The following SMARCC1 variants were observed in gnomAD, a reference collection of about 807,000 sequenced individuals.
SMARCC1 encodes the protein SWI/SNF related BAF chromatin remodeling complex subunit C1.
SMARCC1 carries 43 observed loss-of-function variants against 147.4 expected under a neutral mutation model. That is an observed-to-expected ratio of 0.29 (90% confidence interval 0.23 to 0.38). The LOEUF is 0.38. Ranked by LOEUF, SMARCC1 falls within the 10% of genes least tolerant of loss-of-function variation. SMARCC1 has a pLI of 1.00. For missense variants in SMARCC1, 1,119 were observed against 1,381.1 expected (o/e 0.81, Z 3.01); for synonymous variants, 495 against 484.4 (o/e 1.02, Z -0.29).
At chr3:47,679,385 A>C (rs1426750535) in intron 15 of SMARCC1, among the ~76,000 whole-genome samples, 2 of 152,190 alleles carry the variant, frequency 1.3e-5, no homozygotes, top group African/African-American at 4.8e-5. Context: ...CCTTCCAATA[A>C]GAGTTTTTCT....
intron 2 of SMARCC1, among the ~76,000 whole-genome samples, chr3:47,763,139 C>T (rs528549221): frequency 6.6e-6 from 1 of 151,714 alleles, no homozygotes; most frequent in Non-Finnish European, 1.5e-5. Flanking sequence ...CAATGCATCT[C>T]CTTCTTCAAC....
chr3:47,701,799 G>A (rs562305586), intron 10 of SMARCC1: 2 of 154,482 alleles, frequency 1.3e-5, no homozygotes, highest in African/African-American at 4.8e-5. Flanking sequence ...GGGTGACAGA[G>A]AGAGACTCCA....
intron 26 of SMARCC1, among the ~76,000 whole-genome samples, chr3:47,594,907 A>G (rs2032245905): frequency 6.6e-6 from 1 of 152,142 alleles, no homozygotes; most frequent in Admixed American, 6.5e-5. Flanking sequence ...CCTTGATAAG[A>G]TCTGCATACC....
At position 47,674,701 on chromosome 3, in the gene SMARCC1, A is replaced by G. The variant is rs1031271139; in HGVS notation, c.1839+774T>C. Among the ~76,000 whole-genome samples, 10 of 152,140 alleles carry G rather than the reference A, an allele frequency of 6.6e-5. No individual in the cohort carries two copies. In the East Asian group the frequency reaches 1.7e-3, roughly 26 times the overall value. Reference sequence around the variant, plus strand: ...GCTGCTCTTGAACTCCTGGCCTCAGACAACCCTACTGCCCTGGCCTCCCAA... The same window carrying G: ...GCTGCTCTTGAACTCCTGGCCTCAGGCAACCCTACTGCCCTGGCCTCCCAA... On this transcript the variant is annotated intron_variant, in intron 18 of 27. Transcript: ENST00000254480.
At chr3:47,598,046 C>G (rs1444165509) in intron 26 of SMARCC1, among the ~76,000 whole-genome samples, 1 of 152,186 alleles carries the variant, frequency 6.6e-6, no homozygotes, top group Non-Finnish European at 1.5e-5. Flanking sequence ...AGATTCTCCA[C>G]AAACTGCCAA....
chr3:47,653,124 A>AT (rs534200948), intron 21 of SMARCC1, among the ~76,000 whole-genome samples: 33 of 151,810 alleles, frequency 2.2e-4, no homozygotes, highest in African/African-American at 7.5e-4. Context: ...CGCCCGGCTA[A>AT]TTTTTTGTAT....
At chr3:47,593,837 T>C (rs1576381210) in intron 26 of SMARCC1, among the ~76,000 whole-genome samples, 1 of 152,106 alleles carries the variant, frequency 6.6e-6, no homozygotes, top group Non-Finnish European at 1.5e-5. Context: ...ACTTCAGGGG[T>C]GTCAATGAAG....
chr3:47,715,922 C>T (rs939655204), intron 7 of SMARCC1, among the ~76,000 whole-genome samples: 1 of 152,070 alleles, frequency 6.6e-6, no homozygotes, highest in African/African-American at 2.4e-5. Context: ...GCTCAAGGAG[C>T]CTCTTTATCA....
intron 16 of SMARCC1, among the ~76,000 whole-genome samples, chr3:47,677,119 C>T (rs1054466935): frequency 6.6e-6 from 1 of 152,248 alleles, no homozygotes; most frequent in African/African-American, 2.4e-5. Context: ...TTTTTCGTGA[C>T]AGAGTCTCGC....
chr3:47,743,378 T>C (rs974225320), intron 3 of SMARCC1, among the ~76,000 whole-genome samples: 8 of 152,212 alleles, frequency 5.3e-5, no homozygotes, highest in Admixed American at 4.6e-4. Flanking sequence ...GCTAACCCTA[T>C]CCTTTACGTC....
At chr3:47,720,299 A>G (rs1278575761) in intron 7 of SMARCC1, among the ~76,000 whole-genome samples, 1 of 151,016 alleles carries the variant, frequency 6.6e-6, no homozygotes, top group African/African-American at 2.4e-5. Context: ...AATTTTTTTT[A>G]TTTTTAGTAG....
intron 2 of SMARCC1, among the ~76,000 whole-genome samples, chr3:47,753,398 T>C (rs2034650538): frequency 6.6e-6 from 1 of 151,072 alleles, no homozygotes. Flanking sequence ...TCCTTATTTC[T>C]TTATTCCTTT....
intron 2 of SMARCC1, among the ~76,000 whole-genome samples, chr3:47,750,150 T>C (rs972027700): frequency 2.0e-5 from 3 of 150,328 alleles, no homozygotes; most frequent in Admixed American, 6.7e-5. Flanking sequence ...AATAGACTAA[T>C]GTAGGCTGGG....
At chr3:47,736,163 G>A (rs775504992) in intron 4 of SMARCC1, 37 bp from the exon 5 acceptor site, 1 of 1,162,798 alleles carries the variant, frequency 8.6e-7, no homozygotes, top group Non-Finnish European at 1.3e-6. Flanking sequence ...AATTCTCTTA[G>A]TTTTGAAATA....
intron 24 of SMARCC1, among the ~76,000 whole-genome samples, chr3:47,632,816 G>C (rs1435265088): frequency 6.6e-6 from 1 of 152,112 alleles, no homozygotes; most frequent in Non-Finnish European, 1.5e-5. Flanking sequence ...ACTAAGTAGG[G>C]TCCTGATTAT....
rs191899332 is a variant in SMARCC1, at chr3:47,586,344, T to G, written c.*1865A>C. The G allele has an allele frequency of 3.9e-5, 6 of 152,294 alleles. 1 individual carries two copies. The highest frequency in any genetic ancestry group is 1.4e-4 in the African/African-American group (6 of 41,568). 9.4% of individuals were successfully genotyped at this position (152,294 alleles called of 1,614,324 possible). A position where few individuals can be genotyped will look rare whatever the true frequency, so the allele number is the denominator to read the frequency against. On this transcript the variant is annotated 3_prime_UTR_variant, in exon 28 of 28. Transcript: ENST00000254480. ...TCCTTTGGGAAAGACTGGCAGGAAGTAGGTAAAACCCTGGCCATTGTCAAA... is the reference window on the plus strand; with the variant it reads ...TCCTTTGGGAAAGACTGGCAGGAAGGAGGTAAAACCCTGGCCATTGTCAAA...
At chr3:47,657,124 C>T (rs2033272994) in intron 21 of SMARCC1, among the ~76,000 whole-genome samples, 1 of 151,908 alleles carries the variant, frequency 6.6e-6, no homozygotes, top group South Asian at 2.1e-4. Context: ...ATACATAAAG[C>T]AAAAACAGAA....
At chr3:47,757,746 T>C (rs1051247421) in intron 2 of SMARCC1, among the ~76,000 whole-genome samples, 1 of 146,222 alleles carries the variant, frequency 6.8e-6, no homozygotes, top group Non-Finnish European at 1.5e-5. Flanking sequence ...ATCCCGCCAC[T>C]GCACTCCAGC....
intron 8 of SMARCC1, 124 bp from the exon 9 acceptor site, chr3:47,710,932 T>G (rs1185865837): frequency 1.6e-6 from 1 of 615,808 alleles, no homozygotes. Context: ...ATTAATAATG[T>G]GATACTACTA....
Sources: allele counts gnomAD v4.1 joint callset (sites outside exome capture counted in the v4.1 genomes callset), GRCh38; gene constraint gnomAD v4.1.1; transcripts MANE v1.5; gene names NCBI Gene and HGNC (gene_info 2026-07-23, HGNC 2026-07-21).